Variants in DPT observed in about 807,000 individuals in gnomAD.
DPT encodes tyrosine-rich acidic matrix protein.
DPT carries 21 observed loss-of-function variants against 31.2 expected under a neutral mutation model. That is an observed-to-expected ratio of 0.67 (90% CI 0.48 to 0.97). The LOEUF is 0.97. Among genes scored for constraint, DPT ranks in the 50% least tolerant of loss-of-function variants. DPT has a pLI of 0.00. For synonymous variants in DPT, 91 were observed against 86.9 expected (o/e 1.05, Z -0.26); for missense variants, 262 against 258.8 (o/e 1.01, Z -0.08).
chr1:168,728,608 G>C (rs1317401364), intron 1 of DPT, among the ~76,000 whole-genome samples: 1 of 152,150 alleles, frequency 6.6e-6, no homozygotes, highest in Non-Finnish European at 1.5e-5. Context: ...CCCAAACTGA[G>C]AGTAGGTAGA....
chr1:168,714,182 C>T (rs756105402), intron 2 of DPT, 39 bp downstream of exon 2: 1 of 1,613,578 alleles, frequency 6.2e-7, no homozygotes, highest in Non-Finnish European at 8.5e-7. Context: ...CCTCTCCCAC[C>T]CCAGGAGTCA....
chr1:168,716,642 C>T (rs1055120728), intron 1 of DPT, among the ~76,000 whole-genome samples: 1 of 152,118 alleles, frequency 6.6e-6, no homozygotes, highest in East Asian at 1.9e-4. Context: ...CACCTATCAA[C>T]CTGTCATCTA....
At chr1:168,713,676 A>G (rs984308200) in intron 2 of DPT, among the ~76,000 whole-genome samples, 2 of 152,234 alleles carry the variant, frequency 1.3e-5, no homozygotes, top group East Asian at 1.9e-4. Flanking sequence ...GAAACAAAAC[A>G]TCAGAGGCTG....
chr1:168,716,748 CCT>C (rs1488583901), intron 1 of DPT, among the ~76,000 whole-genome samples: 3 of 152,130 alleles, frequency 2.0e-5, no homozygotes, highest in African/African-American at 7.2e-5. Context: ...TGTTCCCCTC[CCT>C]GTGTCAATGT....
intron 2 of DPT, among the ~76,000 whole-genome samples, chr1:168,708,189 A>AT (rs145002481): frequency 0.027 from 4,121 of 152,094 alleles, 187 homozygotes; most frequent in African/African-American, 0.094. Context: ...TTGTATTGTT[A>AT]TTTTTATTTT....
intron 2 of DPT, among the ~76,000 whole-genome samples, chr1:168,708,519 A>G (rs1649771600): frequency 6.6e-6 from 1 of 152,254 alleles, no homozygotes; most frequent in Non-Finnish European, 1.5e-5. Flanking sequence ...CCATCTCTAT[A>G]GTAATAGCTT....
chr1:168,704,919 G>T (rs1417477126), intron 2 of DPT, among the ~76,000 whole-genome samples: 2 of 152,134 alleles, frequency 1.3e-5, no homozygotes, highest in African/African-American at 2.4e-5. Flanking sequence ...ATGAATGTTT[G>T]CTATGATACA....
chr1:168,699,599 TA>T lies in DPT; in HGVS notation c.539+1417del, dbSNP rs35423002. 4.0e-3 allele frequency among the ~76,000 whole-genome samples: 594 copies of T among 147,692 alleles called. 1 individual carries two copies. Among genetic ancestry groups the T allele is most frequent in the African/African-American group, 0.01 (413 of 40,304 alleles). ...GCTACTTAATGTCTTTTTTTTTTTTTAAAAAAAAAAAGAAATTCTAGGTCAT... is the reference window on the plus strand; with the variant it reads ...GCTACTTAATGTCTTTTTTTTTTTTTAAAAAAAAAAGAAATTCTAGGTCAT... On this transcript the variant is annotated intron_variant, in intron 3 of 3. Transcript: ENST00000367817.
chr1:168,724,288 C>T (rs73032094), intron 1 of DPT, among the ~76,000 whole-genome samples: 2,319 of 152,270 alleles, frequency 0.015, 55 homozygotes, highest in African/African-American at 0.053. Flanking sequence ...ACAGTTGGAA[C>T]CCCTACTATA....
chr1:168,704,034 A>G (rs1292682218), intron 2 of DPT, among the ~76,000 whole-genome samples: 2 of 152,270 alleles, frequency 1.3e-5, no homozygotes, highest in East Asian at 3.8e-4. Flanking sequence ...ACACTGAGAC[A>G]GGGCATAGGG....
chr1:168,721,313 G>A (rs1572632327), intron 1 of DPT, among the ~76,000 whole-genome samples: 1 of 152,092 alleles, frequency 6.6e-6, no homozygotes, highest in Non-Finnish European at 1.5e-5. Context: ...TGTAAAACTA[G>A]GATGACAGTT....
intron 2 of DPT, among the ~76,000 whole-genome samples, chr1:168,710,929 T>G (rs56360536): frequency 1.3e-5 from 2 of 151,888 alleles, no homozygotes; most frequent in Admixed American, 1.3e-4. Flanking sequence ...TCCAGGAAAA[T>G]TTAGATGTTT....
Position 168,696,126 on chromosome 1 carries a change from C to A in DPT, c.*423G>T. ...GTGGGGAACCTACGTATCATTCAAA[C>A]AGGCTTAGCTGTAGAGAACCTTCAC... On this transcript the variant is annotated 3_prime_UTR_variant, in exon 4 of 4. Transcript: ENST00000367817. The A allele has an allele frequency of 2.5e-6, 1 of 404,390 alleles. No individual in the cohort carries two copies. The allele number at this position is 404,390 out of a possible 1,614,324, so 25.1% of individuals were successfully genotyped here. A position where few individuals can be genotyped will look rare whatever the true frequency, so the allele number is the denominator to read the frequency against.
chr1:168,727,105 G>C (rs967764120), intron 1 of DPT, among the ~76,000 whole-genome samples: 7 of 152,228 alleles, frequency 4.6e-5, no homozygotes, highest in African/African-American at 1.7e-4. Flanking sequence ...GAACTGCCCT[G>C]AATCTGGTCC....
chr1:168,720,832 T>C (rs974981964), intron 1 of DPT, among the ~76,000 whole-genome samples: 1 of 152,228 alleles, frequency 6.6e-6, no homozygotes, highest in African/African-American at 2.4e-5. Context: ...GCTTTGATTT[T>C]TGTTAATTCT....
Position 168,710,063 on chromosome 1 carries a change from A to T in DPT, c.431+4158T>A, listed in dbSNP as rs1649816611. Among the ~76,000 whole-genome samples, 3 of 152,198 alleles carry T rather than the reference A, an allele frequency of 2.0e-5. No individual in the cohort carries two copies. In the South Asian group the frequency reaches 6.2e-4, roughly 32 times the overall value. On this transcript the variant is annotated intron_variant, in intron 2 of 3. Coordinates refer to ENST00000367817, the MANE Select transcript of DPT (RefSeq NM_001937.5). ...AATATCCTGGAGATGTTGAAAAAATAAGACCTAATTTATGCCCTGGAGGCA... is the reference window on the plus strand; with the variant it reads ...AATATCCTGGAGATGTTGAAAAAATTAGACCTAATTTATGCCCTGGAGGCA...
chr1:168,728,779 A>C (rs1174608377), intron 1 of DPT, 91 bp downstream of exon 1: 1 of 1,492,306 alleles, frequency 6.7e-7, no homozygotes, highest in Non-Finnish European at 9.1e-7. Flanking sequence ...GGCTTTGGTT[A>C]CTGATATTCC....
At chr1:168,714,429 C>T (rs1649934289) in intron 1 of DPT, 83 bp from the exon 2 acceptor site, 1 of 1,516,702 alleles carries the variant, frequency 6.6e-7, no homozygotes, top group Non-Finnish European at 9.0e-7. Context: ...CACAGTTACA[C>T]ACTCTTTCTC....
At chr1:168,702,707 G>C (rs1347048394) in intron 2 of DPT, among the ~76,000 whole-genome samples, 1 of 150,268 alleles carries the variant, frequency 6.7e-6, no homozygotes, top group African/African-American at 2.4e-5. Flanking sequence ...CGCCTCCTGG[G>C]TTCAAGTGAT....
Sources: allele counts gnomAD v4.1 joint callset (sites outside exome capture counted in the v4.1 genomes callset), GRCh38; gene constraint gnomAD v4.1.1; transcripts MANE v1.5; gene names NCBI Gene and HGNC (gene_info 2026-07-23, HGNC 2026-07-21).